Variants in TCF7L2 observed in about 807,000 individuals in gnomAD.
TCF7L2 encodes transcription factor 7-like 2.
In TCF7L2, 23 loss-of-function variants were observed where a neutral mutation model predicts 77.9. The ratio of observed to expected loss-of-function variants is 0.30; its 90% CI spans 0.21 to 0.42. The LOEUF (loss-of-function observed/expected upper bound fraction) is 0.42, where lower values mean the gene tolerates loss of function less well. TCF7L2 is among the 10% of genes least tolerant of loss of function. The probability of loss-of-function intolerance (pLI) is 1.00; values close to 1 mark genes in which losing one functional copy is unlikely to be tolerated. For missense variants in TCF7L2, 654 were observed against 793.1 expected, an observed-to-expected ratio of 0.82 and a Z score of 2.11; for synonymous variants, 413 against 340.2, an observed-to-expected ratio of 1.21 and a Z score of -2.36.
chr10:113,041,189 C>A (rs536295926), intron 5 of TCF7L2, among the ~76,000 whole-genome samples: 6 of 152,152 alleles, frequency 3.9e-5, no homozygotes, highest in African/African-American at 7.2e-5. Flanking sequence ...GTTTATATCA[C>A]AAAATAACTT....
intron 5 of TCF7L2, among the ~76,000 whole-genome samples, chr10:113,107,608 T>TGGCGAGTACCTGTAGTCCC (rs2062515529): frequency 6.6e-6 from 1 of 151,054 alleles, no homozygotes; most frequent in African/African-American, 2.4e-5. Context: ...CCGGGCGTGG[T>TGGCGAGTACCTGTAGTCCC]GGCGAGTACC....
At chr10:112,985,629 T>C (rs2041337211) in intron 4 of TCF7L2, among the ~76,000 whole-genome samples, 1 of 152,226 alleles carries the variant, frequency 6.6e-6, no homozygotes, top group East Asian at 1.9e-4. Flanking sequence ...CAGAGTGTTA[T>C]ATGAAACATC....
chr10:113,007,030 C>T (rs1272905217), intron 4 of TCF7L2, among the ~76,000 whole-genome samples: 4 of 152,244 alleles, frequency 2.6e-5, no homozygotes, highest in African/African-American at 9.6e-5. Context: ...CTTAAAACTA[C>T]ATTCCTTTCC....
chr10:113,161,763 C>G (rs1180420748), intron 13 of TCF7L2, among the ~76,000 whole-genome samples: 1 of 152,210 alleles, frequency 6.6e-6, no homozygotes, highest in African/African-American at 2.4e-5. Flanking sequence ...TGTCTCTTCC[C>G]CCCTTCTCTG....
chr10:113,160,017 T>C, intron 12 of TCF7L2, 25 bp downstream of exon 14: 1 of 1,608,988 alleles, frequency 6.2e-7, no homozygotes, highest in Non-Finnish European at 8.5e-7. Flanking sequence ...CCAGATTCGC[T>C]GTGCTGGTTT....
At position 113,141,179 on chromosome 10, in the gene TCF7L2, C is replaced by A. The variant is rs146357039; in HGVS notation, c.553-5C>A. On this transcript the variant is annotated splice_polypyrimidine_tract_variant and splice_region_variant and intron_variant, in intron 5 of 13. Coordinates refer to ENST00000627217, the MANE Select transcript of TCF7L2 (RefSeq NM_001146274.2). ...CGGTGTCTTTCTCTGTTCTCCTCCC[C>A]ACAGTCTAACAAAGTGCCAGTGGTG... 5.6e-6 allele frequency: 9 copies of A among 1,613,958 alleles called. No individual in the cohort carries two copies. Among genetic ancestry groups the A allele is most frequent in the Middle Eastern group, 1.6e-4 (1 of 6,062 alleles).
At chr10:113,000,508 C>T (rs1443518378) in intron 4 of TCF7L2, among the ~76,000 whole-genome samples, 1 of 152,174 alleles carries the variant, frequency 6.6e-6, no homozygotes, top group Non-Finnish European at 1.5e-5. Flanking sequence ...GGCAAAGTGA[C>T]AGATCCTGGA....
At chr10:113,050,164 T>G (rs2054169530) in intron 5 of TCF7L2, among the ~76,000 whole-genome samples, 1 of 152,164 alleles carries the variant, frequency 6.6e-6, no homozygotes, top group African/African-American at 2.4e-5. Context: ...TAGGCTTCAA[T>G]GAGATGGAGT....
chr10:112,978,942 A>T (rs913229353), intron 4 of TCF7L2, among the ~76,000 whole-genome samples: 6 of 152,144 alleles, frequency 3.9e-5, no homozygotes, highest in Non-Finnish European at 8.8e-5. Flanking sequence ...TTAACTTGTC[A>T]TTTACATTAG....
chr10:113,082,161 A>G (rs1349514958), intron 5 of TCF7L2, among the ~76,000 whole-genome samples: 1 of 146,500 alleles, frequency 6.8e-6, no homozygotes, highest in East Asian at 2.0e-4. Flanking sequence ...TGCCTTGGTT[A>G]ATATCTCAAG....
chr10:113,141,328 G>A lies in TCF7L2; in HGVS notation c.685+12G>A, dbSNP rs2136843817. ...AGACCCCAAAACAGGTAGGCTGTGG[G>A]CTACGGAGCCAAGGTAGAGTGCTGG... On this transcript the variant is annotated intron_variant, in intron 6 of 13. Transcript: ENST00000627217. 2.5e-6 allele frequency: 4 copies of A among 1,614,062 alleles called. No individual in the cohort carries two copies. Among genetic ancestry groups the A allele is most frequent in the South Asian group, 1.1e-5 (1 of 91,058 alleles).
chr10:113,069,288 G>A (rs1392278243), intron 5 of TCF7L2, among the ~76,000 whole-genome samples: 1 of 151,512 alleles, frequency 6.6e-6, no homozygotes, highest in Non-Finnish European at 1.5e-5. Flanking sequence ...GGAGTGCCGT[G>A]GTGCAATCTC....
At chr10:112,974,595 A>G (rs2039004713) in intron 4 of TCF7L2, among the ~76,000 whole-genome samples, 1 of 152,014 alleles carries the variant, frequency 6.6e-6, no homozygotes, top group Non-Finnish European at 1.5e-5. Context: ...GGTGCCTGCC[A>G]CCATGCCTGG....
intron 5 of TCF7L2, among the ~76,000 whole-genome samples, chr10:113,111,050 T>C (rs76402090): frequency 2.0e-5 from 3 of 152,258 alleles, no homozygotes; most frequent in South Asian, 4.1e-4. Flanking sequence ...TTTTTTTTTT[T>C]TTTCTAAGTG....
intron 4 of TCF7L2, among the ~76,000 whole-genome samples, chr10:113,028,091 G>T (rs146443683): frequency 3.3e-5 from 5 of 152,200 alleles, no homozygotes; most frequent in African/African-American, 1.2e-4. Flanking sequence ...GGCCGGGATG[G>T]TCTAGCAGAC....
intron 5 of TCF7L2, chr10:113,089,295 A>C (rs1429696725): frequency 1.6e-6 from 2 of 1,288,188 alleles, no homozygotes; most frequent in African/African-American, 1.5e-5. Flanking sequence ...CTTCTATAGA[A>C]ATGTGGGTTA....
intron 5 of TCF7L2, among the ~76,000 whole-genome samples, chr10:113,128,385 G>T (rs1332478380): frequency 1.4e-4 from 21 of 152,134 alleles, no homozygotes; most frequent in Non-Finnish European, 2.9e-5. Context: ...CGGCGAGGGT[G>T]ATTAACTTGT....
At chr10:113,060,934 T>C (rs2134877819) in intron 5 of TCF7L2, among the ~76,000 whole-genome samples, 1 of 152,154 alleles carries the variant, frequency 6.6e-6, no homozygotes, top group East Asian at 1.9e-4. Flanking sequence ...CCCTATCACA[T>C]CTAGGCAAAA....
rs72828140 is a variant in TCF7L2 at position 113,151,971 on chromosome 10, C to A, written c.1161+87C>A. 4.2e-4 allele frequency: 631 copies of A among 1,503,000 alleles called. No individual in the cohort carries two copies. Among genetic ancestry groups the A allele is most frequent in the Non-Finnish European group, 5.0e-4 (569 of 1,127,692 alleles). The allele number at this position is 1,503,000 out of a possible 1,614,324, so 93.1% of individuals were successfully genotyped here. Reference sequence around the variant, plus strand: ...GGTCAGGTGGCAGAATGTCTCTGTCCCCATTTCTTTGGAGAATTCTTGCCC... The same window carrying A: ...GGTCAGGTGGCAGAATGTCTCTGTCACCATTTCTTTGGAGAATTCTTGCCC... On this transcript the variant is annotated intron_variant, in intron 10 of 13. Transcript: ENST00000627217. The surrounding 1 kb of genome is among the most constrained non-coding windows in gnomAD (Gnocchi z 5.2).
Sources: allele counts gnomAD v4.1 joint callset (sites outside exome capture counted in the v4.1 genomes callset), GRCh38; gene constraint gnomAD v4.1.1; non-coding constraint Gnocchi (gnomAD v3.1); transcripts MANE v1.5; gene names NCBI Gene and HGNC (gene_info 2026-07-23, HGNC 2026-07-21).